Variants in KCNH7 observed in about 807,000 individuals in gnomAD.
The protein encoded by KCNH7 is voltage-gated inwardly rectifying potassium channel KCNH7.
Under a neutral mutation model 120.8 loss-of-function variants are expected in KCNH7, and 49 were observed. That is an observed-to-expected ratio of 0.41 (90% CI 0.32 to 0.51). The LOEUF is 0.51. KCNH7 is among the 20% of genes least tolerant of loss of function. The probability of loss-of-function intolerance (pLI) is 0.38; values close to 1 mark genes in which losing one functional copy is unlikely to be tolerated. For missense variants in KCNH7, 1,097 were observed against 1,446.6 expected, an observed-to-expected ratio of 0.76 and a Z score of 3.92; for synonymous variants, 547 against 516.1, an observed-to-expected ratio of 1.06 and a Z score of -0.81.
intron 2 of KCNH7, among the ~76,000 whole-genome samples, chr2:162,587,213 T>A (rs1346461990): frequency 6.6e-6 from 1 of 152,152 alleles, no homozygotes; most frequent in Non-Finnish European, 1.5e-5. Flanking sequence ...CTTGTGTAGA[T>A]TTCATCAAAC....
At chr2:162,805,855 G>C (rs1026280058) in intron 2 of KCNH7, among the ~76,000 whole-genome samples, 4 of 151,998 alleles carry the variant, frequency 2.6e-5, no homozygotes, top group Non-Finnish European at 5.9e-5. Context: ...CCAATGAGTG[G>C]AAAAAGAAAA....
intron 3 of KCNH7, among the ~76,000 whole-genome samples, chr2:162,524,363 T>G (rs1020967108): frequency 6.6e-6 from 1 of 152,014 alleles, no homozygotes; most frequent in African/African-American, 2.4e-5. Flanking sequence ...GGTAGTTTCC[T>G]GCCTTAAACT....
chr2:162,430,107 C>T (rs752617936), intron 8 of KCNH7, among the ~76,000 whole-genome samples: 2 of 151,736 alleles, frequency 1.3e-5, no homozygotes, highest in African/African-American at 4.8e-5. Flanking sequence ...TCTGCTTGTT[C>T]CTTTTGAAGC....
chr2:162,519,435 T>G (rs1320210471), intron 3 of KCNH7, among the ~76,000 whole-genome samples: 1 of 151,822 alleles, frequency 6.6e-6, no homozygotes, highest in Non-Finnish European at 1.5e-5. Flanking sequence ...TATTTGTTCA[T>G]ATATGTTGCA....
chr2:162,499,577 A>G (rs1377368413), intron 6 of KCNH7, among the ~76,000 whole-genome samples: 3 of 152,176 alleles, frequency 2.0e-5, no homozygotes, highest in Admixed American at 6.6e-5. Context: ...GAAGACCAAT[A>G]AGGCCAAAAG....
At chr2:162,777,810 T>C (rs572635292) in intron 2 of KCNH7, among the ~76,000 whole-genome samples, 75 of 152,264 alleles carry the variant, frequency 4.9e-4, no homozygotes, top group Middle Eastern at 3.4e-3. Context: ...GAGAATACTA[T>C]GTATTTTATT....
At chr2:162,559,456 A>G (rs1692984985) in intron 2 of KCNH7, among the ~76,000 whole-genome samples, 1 of 152,232 alleles carries the variant, frequency 6.6e-6, no homozygotes, top group Non-Finnish European at 1.5e-5. Flanking sequence ...AAGGTCTACT[A>G]TTAATCCTAG....
At chr2:162,634,714 CAG>C (rs1456253750) in intron 2 of KCNH7, among the ~76,000 whole-genome samples, 1 of 151,872 alleles carries the variant, frequency 6.6e-6, no homozygotes, top group Non-Finnish European at 1.5e-5. Flanking sequence ...TGGCTATAGA[CAG>C]AGTCAAAGAT....
intron 2 of KCNH7, among the ~76,000 whole-genome samples, chr2:162,693,901 T>A (rs1340388648): frequency 6.6e-6 from 1 of 152,006 alleles, no homozygotes; most frequent in Non-Finnish European, 1.5e-5. Context: ...TAATAAAGAG[T>A]CAATTAATAT....
chr2:162,484,523 C>G (rs78411758), intron 6 of KCNH7, among the ~76,000 whole-genome samples: 1,679 of 152,144 alleles, frequency 0.011, 25 homozygotes, highest in African/African-American at 0.039. Flanking sequence ...CGCAATAAGT[C>G]AGGATGCATC....
At chr2:162,829,789 A>G (rs1457291144) in intron 2 of KCNH7, among the ~76,000 whole-genome samples, 1 of 151,948 alleles carries the variant, frequency 6.6e-6, no homozygotes, top group Non-Finnish European at 1.5e-5. Flanking sequence ...ATGAAAAAAA[A>G]AACAAAGCAT....
chr2:162,607,709 T>C (rs1170527800), intron 2 of KCNH7, among the ~76,000 whole-genome samples: 1 of 152,120 alleles, frequency 6.6e-6, no homozygotes, highest in Non-Finnish European at 1.5e-5. Context: ...AATATTTCAA[T>C]AACAATTGCA....
At chr2:162,729,157 C>A (rs1292165709) in intron 2 of KCNH7, among the ~76,000 whole-genome samples, 1 of 147,730 alleles carries the variant, frequency 6.8e-6, no homozygotes, top group Non-Finnish European at 1.5e-5. Context: ...TGTCAATATA[C>A]CCAAATTTTT....
intron 2 of KCNH7, among the ~76,000 whole-genome samples, chr2:162,556,436 A>G (rs927753076): frequency 1.3e-5 from 2 of 152,126 alleles, no homozygotes; most frequent in Non-Finnish European, 2.9e-5. Flanking sequence ...GAGGACTCTT[A>G]CCTCTACTTT....
intron 6 of KCNH7, among the ~76,000 whole-genome samples, chr2:162,495,853 T>A (rs949472392): frequency 3.3e-5 from 5 of 152,132 alleles, no homozygotes; most frequent in African/African-American, 1.2e-4. Flanking sequence ...GGTTTTTTTG[T>A]TTGGGAAAAT....
intron 2 of KCNH7, among the ~76,000 whole-genome samples, chr2:162,550,685 C>G (rs1692639838): frequency 6.6e-6 from 1 of 151,936 alleles, no homozygotes; most frequent in Non-Finnish European, 1.5e-5. Context: ...CATTACCTCC[C>G]CTCAAATTAC....
intron 6 of KCNH7, among the ~76,000 whole-genome samples, chr2:162,470,218 T>A (rs887330234): frequency 2.0e-5 from 3 of 148,232 alleles, no homozygotes; most frequent in Non-Finnish European, 4.4e-5. Context: ...GTCTGGAAAG[T>A]GAGGAGCCTC....
At chr2:162,418,050 C>T (rs776626427) in intron 9 of KCNH7, among the ~76,000 whole-genome samples, 1 of 152,144 alleles carries the variant, frequency 6.6e-6, no homozygotes, top group South Asian at 2.1e-4. Context: ...AGACTTCTTG[C>T]CAGTGTGAAA....
At chr2:162,570,998 C>A (rs560154977) in intron 2 of KCNH7, among the ~76,000 whole-genome samples, 1 of 152,004 alleles carries the variant, frequency 6.6e-6, no homozygotes, top group East Asian at 1.9e-4. Context: ...GACAGGGATG[C>A]CCTCTCTCAT....
Sources: gnomAD v4.1 joint callset for allele counts (sites outside exome capture counted in the v4.1 genomes callset) on GRCh38, gnomAD v4.1.1 for gene constraint, MANE v1.5 for transcripts, NCBI Gene and HGNC (gene_info 2026-07-23, HGNC 2026-07-21) for gene names.